The following WDR7 variants were observed in gnomAD, a reference collection of about 807,000 sequenced individuals.
WDR7 encodes WD repeat domain 7.
A neutral mutation model predicts 169.4 loss-of-function variants in WDR7; 46 were observed. The ratio of observed to expected loss-of-function variants is 0.27; its 90% CI spans 0.21 to 0.35. The LOEUF (loss-of-function observed/expected upper bound fraction) is 0.35. Ranked by LOEUF, WDR7 falls within the 10% of genes least tolerant of loss-of-function variation. The probability of loss-of-function intolerance (pLI) is 1.00; values close to 1 mark genes in which losing one functional copy is unlikely to be tolerated. For synonymous variants in WDR7, 612 were observed against 666.8 expected, an observed-to-expected ratio of 0.92 and a Z score of 1.27; for missense variants, 1,534 against 1,859.3, an observed-to-expected ratio of 0.83 and a Z score of 3.22.
intron 20 of WDR7, among the ~76,000 whole-genome samples, chr18:56,839,595 T>A (rs1472910659): frequency 6.6e-6 from 1 of 152,212 alleles, no homozygotes; most frequent in Non-Finnish European, 1.5e-5. Context: ...TAGGTTCTTC[T>A]GTACCAGAAA....
intron 12 of WDR7, among the ~76,000 whole-genome samples, chr18:56,716,183 G>A (rs2026188234): frequency 6.6e-6 from 1 of 152,006 alleles, no homozygotes; most frequent in African/African-American, 2.4e-5. Context: ...CTACCCCTCA[G>A]TATTTAATGT....
At chr18:56,747,226 C>T (rs2043718770) in intron 14 of WDR7, among the ~76,000 whole-genome samples, 1 of 152,178 alleles carries the variant, frequency 6.6e-6, no homozygotes, top group South Asian at 2.1e-4. Context: ...AGGAACCTGA[C>T]TTCCTCCTGT....
At chr18:56,793,660 A>G (rs1258764957) in intron 19 of WDR7, among the ~76,000 whole-genome samples, 1 of 152,220 alleles carries the variant, frequency 6.6e-6, no homozygotes, top group Admixed American at 6.5e-5. Context: ...CATTGGTTAT[A>G]CATGCCCCAT....
At chr18:57,007,942 T>C (rs576347923) in intron 26 of WDR7, among the ~76,000 whole-genome samples, 58 of 152,294 alleles carry the variant, frequency 3.8e-4, no homozygotes, top group African/African-American at 1.4e-3. Context: ...GCAGGGTCTA[T>C]TCCTTCCACA....
At chr18:56,656,018 TG>T (rs1420064278) in intron 1 of WDR7, among the ~76,000 whole-genome samples, 2 of 152,214 alleles carry the variant, frequency 1.3e-5, no homozygotes, top group African/African-American at 4.8e-5. Context: ...TTTTAATTTT[TG>T]GCTGTTACAG....
At chr18:56,706,296 A>G (rs372651023) in intron 12 of WDR7, among the ~76,000 whole-genome samples, 23 of 152,218 alleles carry the variant, frequency 1.5e-4, no homozygotes, top group African/African-American at 5.1e-4. Flanking sequence ...ATTATCAATG[A>G]TTTTTCTTAG....
At chr18:56,769,313 G>A (rs1474047824) in intron 16 of WDR7, among the ~76,000 whole-genome samples, 1 of 151,652 alleles carries the variant, frequency 6.6e-6, no homozygotes, top group Non-Finnish European at 1.5e-5. Context: ...TCGACTTCCA[G>A]TCGAGGCTCT....
At position 56,779,539 on chromosome 18, in the gene WDR7, G is replaced by T. The variant is rs757369706; in HGVS notation, c.3056G>T (p.Arg1019Leu). ...LEMLARRWQD[R>L]CLEVREAAQA... is the part of the protein sequence containing the mutation. ...ATGCTGGCCCGAAGATGGCAAGATC[G>T]ATGCTTGGAGGTAATGCTAAAGTGA... The change falls in exon 18 of 28, where the codon CGA becomes CTA. Residue 1019 changes from arginine (R) to leucine (L), a missense_variant. By Grantham distance (102) the Arg-to-Leu change is moderately radical. Transcript: ENST00000254442. The T allele has an allele frequency of 1.2e-5, 19 of 1,612,952 alleles. No homozygotes were observed. In the Admixed American group the frequency reaches 3.2e-4, roughly 27 times the overall value.
At chr18:56,679,142 C>A (rs959218718) in intron 2 of WDR7, among the ~76,000 whole-genome samples, 190 bp from the exon 3 acceptor site, 3 of 152,206 alleles carry the variant, frequency 2.0e-5, no homozygotes, top group Non-Finnish European at 4.4e-5. Flanking sequence ...CCAGCCAGGC[C>A]TGTGTCTTTC....
chr18:56,759,519 G>A (rs1320417701), intron 16 of WDR7, among the ~76,000 whole-genome samples: 1 of 152,062 alleles, frequency 6.6e-6, no homozygotes, highest in Non-Finnish European at 1.5e-5. Flanking sequence ...ATATTCCTGA[G>A]TATAATTAAT....
At position 56,779,454 on chromosome 18, in the gene WDR7, C is replaced by T; in HGVS notation, c.2971C>T (p.His991Tyr). 1 of 1,613,128 alleles carries T rather than the reference C, an allele frequency of 6.2e-7. No individual in the cohort carries two copies. The change falls in exon 18 of 28, where the codon CAC becomes TAC. Residue 991 changes from histidine to tyrosine, a missense_variant. By Grantham distance (83) the His-to-Tyr change is moderately conservative. Transcript: ENST00000254442. The stretch of plus-strand genomic sequence containing the variant: ...AGGTTGGAGTCAGTTAGCTGCTATG[C>T]ACTGTGTTATGCTGCCAGACCTACT... ...NEGWSQLAAM[H>Y]CVMLPDLLGL...
intron 5 of WDR7, among the ~76,000 whole-genome samples, chr18:56,685,639 A>T (rs1302035859): frequency 6.6e-6 from 1 of 152,194 alleles, no homozygotes; most frequent in Admixed American, 6.5e-5. Context: ...AAGAATTAGA[A>T]GTTGTAAATT....
Position 56,815,229 on chromosome 18 carries a change from A to G in WDR7, c.3191-802A>G, listed in dbSNP as rs1442928434. Among the ~76,000 whole-genome samples, 6 of 152,214 alleles carry G rather than the reference A, an allele frequency of 3.9e-5. 1 individual carries two copies. The highest frequency in any genetic ancestry group is 7.3e-5 in the Non-Finnish European group (5 of 68,036). On this transcript the variant is annotated intron_variant, in intron 19 of 27. Coordinates refer to ENST00000254442, the MANE Select transcript of WDR7 (RefSeq NM_015285.3). Reference sequence around the variant, plus strand: ...AAGTTTAACTCCTAGAGTAGCTTCTAATGGGGAAATTTTTATATTATCATG... The same window carrying G: ...AAGTTTAACTCCTAGAGTAGCTTCTGATGGGGAAATTTTTATATTATCATG...
chr18:57,019,501 A>G (rs2048256587), intron 26 of WDR7, among the ~76,000 whole-genome samples: 1 of 152,168 alleles, frequency 6.6e-6, no homozygotes, highest in Non-Finnish European at 1.5e-5. Flanking sequence ...CCCAGAGCCC[A>G]GTTCTATACC....
chr18:56,874,924 A>G (rs2046002916), intron 20 of WDR7, among the ~76,000 whole-genome samples: 3 of 152,152 alleles, frequency 2.0e-5, no homozygotes, highest in Admixed American at 6.5e-5. Context: ...TAGATAACCA[A>G]TCCTCCTTTT....
intron 22 of WDR7, among the ~76,000 whole-genome samples, chr18:56,931,796 GA>G (rs145605852): frequency 0.016 from 2,375 of 152,258 alleles, 52 homozygotes; most frequent in African/African-American, 0.052. Flanking sequence ...CACCAATGGG[GA>G]AAGGGCTAGA....
intron 1 of WDR7, among the ~76,000 whole-genome samples, chr18:56,668,448 A>G (rs1249999193): frequency 6.6e-6 from 1 of 152,156 alleles, no homozygotes; most frequent in Non-Finnish European, 1.5e-5. Context: ...TTGTGTTTCC[A>G]TATGTCTTGA....
intron 1 of WDR7, among the ~76,000 whole-genome samples, chr18:56,671,445 T>C (rs2144517039): frequency 1.3e-5 from 2 of 152,276 alleles, no homozygotes; most frequent in South Asian, 4.1e-4. Flanking sequence ...CTAATTTTTG[T>C]ATTTTTAGTA....
chr18:56,687,333 C>T (rs2025463354), intron 7 of WDR7, among the ~76,000 whole-genome samples: 1 of 152,102 alleles, frequency 6.6e-6, no homozygotes, highest in South Asian at 2.1e-4. Context: ...CAATATTTTC[C>T]CTGGCTTCTT....
Sources: gnomAD v4.1 joint callset for allele counts (sites outside exome capture counted in the v4.1 genomes callset) on GRCh38, gnomAD v4.1.1 for gene constraint, MANE v1.5 for transcripts, NCBI Gene and HGNC (gene_info 2026-07-23, HGNC 2026-07-21) for gene names.